XRCC6: variants seen among roughly 807,000 people sequenced by gnomAD.
XRCC6 encodes the protein DNA repair protein Ku70.
In XRCC6, 5 loss-of-function variants were observed where a neutral mutation model predicts 65.7. That is an observed-to-expected ratio of 0.08 (90% CI 0.04 to 0.16). The LOEUF (loss-of-function observed/expected upper bound fraction) is 0.16, where lower values mean the gene tolerates loss of function less well. Among genes scored for constraint, XRCC6 ranks in the 10% least tolerant of loss-of-function variants. The probability of loss-of-function intolerance (pLI) is 1.00; values close to 1 mark genes in which losing one functional copy is unlikely to be tolerated. For synonymous variants in XRCC6, 270 were observed against 270.6 expected (o/e 1.00, Z 0.02); for missense variants, 447 against 738.1 (o/e 0.61, Z 4.57).
chr22:41,636,051 C>T, intron 3 of XRCC6, 62 bp from the exon 4 acceptor site: 4 of 1,468,006 alleles, frequency 2.7e-6, no homozygotes, highest in Non-Finnish European at 3.6e-6. Flanking sequence ...CTAATAGGTA[C>T]TGAGCACTTA....
At chr22:41,653,926 A>T (rs1601553523) in intron 9 of XRCC6, among the ~76,000 whole-genome samples, 1 of 152,134 alleles carries the variant, frequency 6.6e-6, no homozygotes, top group Non-Finnish European at 1.5e-5. Flanking sequence ...GGATAGAGAA[A>T]TGTCTGCCTA....
chr22:41,636,726 A>T lies in XRCC6; in HGVS notation c.545A>T (p.Lys182Ile). The T allele has an allele frequency of 6.2e-7, 1 of 1,614,194 alleles. No individual in the cohort carries two copies. The highest frequency in any genetic ancestry group is 2.2e-5 in the East Asian group (1 of 44,892). The part of the protein sequence containing the change: ...EDNPHGNDSA[K>I]ASRARTKAGD... ...AACCCCCATGGCAATGACAGTGCCA[A>T]AGCCAGCCGGGCCAGGACCAAAGCC... The change falls in exon 5 of 13, where the codon AAA becomes ATA. Residue 182 changes from lysine to isoleucine, a missense_variant. Lys to Ile is a moderately radical substitution (Grantham distance 102, BLOSUM62 -3). This residue lies in a region of XRCC6 where 228 missense variants were observed against 307.4 expected (regional missense o/e 0.74). Transcript: ENST00000360079.
At chr22:41,622,435 C>T (rs2067619252) in intron 2 of XRCC6, among the ~76,000 whole-genome samples, 1 of 152,112 alleles carries the variant, frequency 6.6e-6, no homozygotes, top group Non-Finnish European at 1.5e-5. Context: ...AAAATGCCCC[C>T]ACCCTGCAAT....
chr22:41,649,544 G>C (rs1359202674), intron 7 of XRCC6, among the ~76,000 whole-genome samples: 2 of 151,920 alleles, frequency 1.3e-5, no homozygotes, highest in African/African-American at 4.8e-5. Context: ...ACCTGACATA[G>C]GTCCTCTCAT....
At chr22:41,657,127 T>G in intron 10 of XRCC6, 95 bp downstream of exon 10, 3 of 1,393,796 alleles carry the variant, frequency 2.2e-6, no homozygotes, top group Non-Finnish European at 1.9e-6. Context: ...CACTACTCTT[T>G]TCAGCAAACT....
intron 6 of XRCC6, among the ~76,000 whole-genome samples, chr22:41,643,520 A>C (rs2067900051): frequency 6.6e-6 from 1 of 150,504 alleles, no homozygotes; most frequent in Non-Finnish European, 1.5e-5. Context: ...ATGCAGTTCA[A>C]AATAATTTTA....
intron 5 of XRCC6, among the ~76,000 whole-genome samples, chr22:41,637,344 A>G (rs1368333010): frequency 6.6e-6 from 1 of 152,142 alleles, no homozygotes; most frequent in Non-Finnish European, 1.5e-5. Flanking sequence ...TCGCCCTCCC[A>G]AAGTGCTGGG....
chr22:41,632,248 A>G (rs1388012865), intron 3 of XRCC6, among the ~76,000 whole-genome samples: 2 of 152,174 alleles, frequency 1.3e-5, no homozygotes, highest in Non-Finnish European at 2.9e-5. Context: ...TTTATTATAT[A>G]TCTCATGTCT....
intron 2 of XRCC6, among the ~76,000 whole-genome samples, chr22:41,622,914 C>T (rs1321908316): frequency 6.6e-6 from 1 of 150,960 alleles, no homozygotes; most frequent in Admixed American, 6.6e-5. Flanking sequence ...CACTGCATTC[C>T]AGCCTGGGTG....
chr22:41,624,042 A>G (rs1305135404), intron 2 of XRCC6, among the ~76,000 whole-genome samples: 1 of 152,084 alleles, frequency 6.6e-6, no homozygotes, highest in African/African-American at 2.4e-5. Flanking sequence ...TTTTAAATAT[A>G]CCATAATTTG....
At chr22:41,633,849 T>G (rs2067782516) in intron 3 of XRCC6, among the ~76,000 whole-genome samples, 1 of 152,236 alleles carries the variant, frequency 6.6e-6, no homozygotes, top group African/African-American at 2.4e-5. Context: ...CATTCATAGA[T>G]GAGCACAATT....
At chr22:41,648,024 C>T in intron 7 of XRCC6, 1 of 15,856 alleles carries the variant, frequency 6.3e-5, no homozygotes, top group Non-Finnish European at 1.4e-4. Flanking sequence ...CCGACTCCCT[C>T]CCCTCCCCTC....
intron 2 of XRCC6, among the ~76,000 whole-genome samples, chr22:41,627,604 C>A (rs1333296418): frequency 2.1e-5 from 2 of 93,986 alleles, no homozygotes; most frequent in Non-Finnish European, 2.1e-5. Flanking sequence ...AGCGAGACTC[C>A]GTCTCAAAAA....
At position 41,663,794 on chromosome 22, in the gene XRCC6, C is replaced by T. The variant is rs2068122234; in HGVS notation, c.1809C>T (p.Leu603=). The T allele has an allele frequency of 8.7e-6, 14 of 1,613,326 alleles. No individual in the cohort carries two copies. Among genetic ancestry groups the T allele is most frequent in the Non-Finnish European group, 1.1e-5 (13 of 1,179,870 alleles). The stretch of plus-strand genomic sequence containing the variant: ...AGAAGCAGGAGCTGCTGGAAGCCCT[C>T]ACCAAGCACTTCCAGGACTGACCAG... ...GLKKQELLEA[L]TKHFQD Residue 603 remains leucine, a synonymous_variant, in exon 13 of 13, where the codon CTC becomes CTT. Coordinates refer to ENST00000360079, the MANE Select transcript of XRCC6 (RefSeq NM_001469.5).
intron 3 of XRCC6, among the ~76,000 whole-genome samples, chr22:41,630,709 G>A (rs909741928): frequency 3.3e-5 from 5 of 152,022 alleles, no homozygotes; most frequent in African/African-American, 4.8e-5. Context: ...CTCTTAACGA[G>A]CATGCTGCCT....
intron 3 of XRCC6, among the ~76,000 whole-genome samples, chr22:41,634,196 T>G (rs1211597923): frequency 1.3e-5 from 2 of 151,868 alleles, no homozygotes; most frequent in Non-Finnish European, 2.9e-5. Context: ...ATTTTTTTTT[T>G]TTTTTTTGAG....
chr22:41,637,107 G>A (rs941750165), intron 5 of XRCC6, among the ~76,000 whole-genome samples: 11 of 141,604 alleles, frequency 7.8e-5, no homozygotes, highest in South Asian at 2.2e-4. Context: ...TTTTTGAGAC[G>A]GAGTCTCACT....
intron 7 of XRCC6, among the ~76,000 whole-genome samples, chr22:41,649,139 A>AATATATATATATATATATAT (rs1555906700): frequency 7.9e-5 from 7 of 88,720 alleles, no homozygotes; most frequent in Admixed American, 5.2e-4. Flanking sequence ...AAAAAAAAAA[A>AATATATATATATATATATAT]ATATATATAT....
chr22:41,645,254 G>A (rs1479278138), intron 6 of XRCC6, among the ~76,000 whole-genome samples: 1 of 150,852 alleles, frequency 6.6e-6, no homozygotes, highest in African/African-American at 2.4e-5. Flanking sequence ...TGTGGAGATC[G>A]TGCCATTGCA....
Sources: gnomAD v4.1 joint callset for allele counts (sites outside exome capture counted in the v4.1 genomes callset) on GRCh38, gnomAD v4.1.1 for gene constraint, gnomAD v4.1.1 regional missense constraint, MANE v1.5 for transcripts, NCBI Gene and HGNC (gene_info 2026-07-23, HGNC 2026-07-21) for gene names.